GRM5: variants seen among roughly 807,000 people sequenced by gnomAD.
The protein encoded by GRM5 is glutamate metabotropic receptor 5.
Under a neutral mutation model 83.1 loss-of-function variants are expected in GRM5, and 19 were observed. The observed-to-expected ratio is 0.23, with a 90% CI of 0.16 to 0.34. The LOEUF is 0.34. Among genes scored for constraint, GRM5 ranks in the 10% least tolerant of loss-of-function variants. The probability of loss-of-function intolerance (pLI) is 1.00; values close to 1 mark genes in which losing one functional copy is unlikely to be tolerated. For synonymous variants in GRM5, 675 were observed against 633.6 expected (o/e 1.07, Z -0.98); for missense variants, 1,160 against 1,588.3 (o/e 0.73, Z 4.58).
intron 2 of GRM5, among the ~76,000 whole-genome samples, chr11:89,003,464 G>A (rs1440027401): frequency 6.6e-6 from 1 of 152,084 alleles, no homozygotes. Context: ...TAAAAGCAAT[G>A]TAATATAGCA....
chr11:88,983,257 T>C (rs903160216), intron 2 of GRM5, among the ~76,000 whole-genome samples: 1 of 152,192 alleles, frequency 6.6e-6, no homozygotes, highest in Admixed American at 6.5e-5. Context: ...AGCAATTCTC[T>C]TACTACTTTA....
At chr11:89,043,936 G>A (rs1019331125) in intron 2 of GRM5, among the ~76,000 whole-genome samples, 2 of 152,132 alleles carry the variant, frequency 1.3e-5, no homozygotes, top group African/African-American at 4.8e-5. Context: ...TCAACCAAGT[G>A]CTATTGGTCA....
chr11:88,970,726 T>C (rs1462882644), intron 2 of GRM5, among the ~76,000 whole-genome samples: 2 of 152,138 alleles, frequency 1.3e-5, no homozygotes, highest in Admixed American at 1.3e-4. Context: ...ACTGATAAAT[T>C]TGTCTTCCTT....
chr11:88,765,495 T>C (rs2135443396), intron 3 of GRM5, among the ~76,000 whole-genome samples: 1 of 151,092 alleles, frequency 6.6e-6, no homozygotes, highest in East Asian at 2.0e-4. Context: ...TTTTAGCATC[T>C]AGATTAATGG....
chr11:89,062,164 GA>G (rs1395191068), intron 1 of GRM5, among the ~76,000 whole-genome samples: 7 of 152,156 alleles, frequency 4.6e-5, no homozygotes, highest in African/African-American at 1.7e-4. Context: ...ATAAAGGACA[GA>G]AATAGCCACA....
intron 2 of GRM5, among the ~76,000 whole-genome samples, chr11:88,872,198 T>C (rs1944780825): frequency 6.6e-6 from 1 of 151,440 alleles, no homozygotes; most frequent in African/African-American, 2.4e-5. Flanking sequence ...TATCATATTA[T>C]CATAAATGCA....
intron 8 of GRM5, among the ~76,000 whole-genome samples, chr11:88,541,116 C>T (rs575853848): frequency 2.0e-5 from 3 of 152,116 alleles, no homozygotes; most frequent in South Asian, 2.1e-4. Flanking sequence ...ATTAGGATAA[C>T]GTTTTATGTT....
intron 2 of GRM5, among the ~76,000 whole-genome samples, chr11:88,925,214 C>A (rs536907128): frequency 7.2e-5 from 11 of 152,104 alleles, no homozygotes; most frequent in Non-Finnish European, 1.3e-4. Flanking sequence ...AAATAACTGA[C>A]ACTTATAAAA....
chr11:88,746,283 A>AAT (rs1208941754), intron 3 of GRM5, among the ~76,000 whole-genome samples: 1 of 152,108 alleles, frequency 6.6e-6, no homozygotes, highest in African/African-American at 2.4e-5. Context: ...TTTCCTCTGA[A>AAT]ATATATATAG....
At position 88,508,859 on chromosome 11, in the gene GRM5, C is replaced by G. The variant is rs569668690; in HGVS notation, c.3372G>C (p.Thr1124=). The G allele has an allele frequency of 8.2e-4, 1,288 of 1,577,438 alleles. 32 individuals are homozygous for G. In the South Asian group the frequency reaches 0.014, roughly 17 times the overall value. The change falls in exon 10 of 10, where the codon ACG becomes ACC. Residue 1124 remains threonine, a synonymous_variant. Transcript: ENST00000305447. This position sits in a 1 kb window ranked among gnomAD's most constrained non-coding sequence, Gnocchi z 4.2. ...CCCCTGCCGCGGGCTGCGCGCCTCC[C>G]GTGACTTCGATGGCCGGCAGAGGCT... ...EIQPLPAIEV[T]GGAQPAAGAQ... is the part of the protein sequence containing the mutation.
chr11:88,873,779 T>C (rs1944806919), intron 2 of GRM5, among the ~76,000 whole-genome samples: 1 of 151,518 alleles, frequency 6.6e-6, no homozygotes, highest in Non-Finnish European at 1.5e-5. Flanking sequence ...TCCAAAGAAA[T>C]AAGCAAAAGT....
In GRM5 at chr11:88,759,782, A is replaced by G. The variant is rs1337276498; in HGVS notation, c.911+90124T>C. 3.3e-5 allele frequency among the ~76,000 whole-genome samples: 5 copies of G among 151,978 alleles called. No homozygotes were observed. The East Asian group carries it at 9.6e-4, about 29-fold the overall frequency. On this transcript the variant is annotated intron_variant, in intron 3 of 9. Coordinates refer to ENST00000305447, the MANE Select transcript of GRM5 (RefSeq NM_001143831.3). ...AAAACAAAGGAATATATATTCTTTG[A>G]TTGCCACATGGTACATATTTTAAAA... is the stretch of plus-strand genomic sequence containing the variant.
intron 2 of GRM5, among the ~76,000 whole-genome samples, chr11:88,979,013 CA>C (rs1939437157): frequency 6.6e-6 from 1 of 152,148 alleles, no homozygotes; most frequent in Non-Finnish European, 1.5e-5. Flanking sequence ...GTCTTTAAAA[CA>C]GACCTAGTTT....
chr11:88,586,543 C>T (rs1943319523), intron 7 of GRM5, among the ~76,000 whole-genome samples: 1 of 152,130 alleles, frequency 6.6e-6, no homozygotes, highest in South Asian at 2.1e-4. Flanking sequence ...AAGCCAAGTG[C>T]ATATAAGAAA....
chr11:88,785,332 T>A (rs1156662874), intron 3 of GRM5, among the ~76,000 whole-genome samples: 1 of 152,098 alleles, frequency 6.6e-6, no homozygotes, highest in Middle Eastern at 3.2e-3. Context: ...AATTTCTAAA[T>A]GTAGTGGGCA....
chr11:88,785,283 C>T (rs1286814942), intron 3 of GRM5, among the ~76,000 whole-genome samples: 2 of 152,008 alleles, frequency 1.3e-5, no homozygotes, highest in Non-Finnish European at 2.9e-5. Context: ...CATACTTTGG[C>T]AGAATTTCAT....
chr11:88,718,586 GAT>G (rs1456897051), intron 3 of GRM5, among the ~76,000 whole-genome samples: 1 of 151,900 alleles, frequency 6.6e-6, no homozygotes, highest in African/African-American at 2.4e-5. Flanking sequence ...GAAAAGTTGA[GAT>G]ATTATTATTA....
At chr11:88,898,949 T>G (rs575136717) in intron 2 of GRM5, among the ~76,000 whole-genome samples, 44 of 152,070 alleles carry the variant, frequency 2.9e-4, no homozygotes, top group African/African-American at 1.0e-3. Context: ...AAAAATGCCC[T>G]TTATACCTGA....
chr11:88,781,038 C>G (rs1942964281), intron 3 of GRM5, among the ~76,000 whole-genome samples: 1 of 151,042 alleles, frequency 6.6e-6, no homozygotes, highest in South Asian at 2.1e-4. Flanking sequence ...TTCTTAGTAA[C>G]TGTACATATG....
Sources: gnomAD v4.1 joint callset for allele counts (sites outside exome capture counted in the v4.1 genomes callset) on GRCh38, gnomAD v4.1.1 for gene constraint, Gnocchi (gnomAD v3.1) non-coding constraint, MANE v1.5 for transcripts, NCBI Gene and HGNC (gene_info 2026-07-23, HGNC 2026-07-21) for gene names.